CACNA2D3: variants seen among roughly 807,000 people sequenced by gnomAD.
CACNA2D3 encodes the protein voltage-dependent calcium channel subunit alpha-2/delta-3.
Under a neutral mutation model 160.6 loss-of-function variants are expected in CACNA2D3, and 60 were observed. That is an observed-to-expected ratio of 0.37 (90% confidence interval 0.30 to 0.46). CACNA2D3 has a LOEUF of 0.46. Ranked by LOEUF, CACNA2D3 falls within the 20% of genes least tolerant of loss-of-function variation. The probability of loss-of-function intolerance (pLI) is 1.00; values close to 1 mark genes in which losing one functional copy is unlikely to be tolerated. For missense variants in CACNA2D3, 1,205 were observed against 1,365.0 expected, an observed-to-expected ratio of 0.88 and a Z score of 1.85; for synonymous variants, 558 against 492.9, an observed-to-expected ratio of 1.13 and a Z score of -1.75.
intron 3 of CACNA2D3, among the ~76,000 whole-genome samples, chr3:54,379,862 G>C (rs1463918499): frequency 6.6e-6 from 1 of 152,092 alleles, no homozygotes; most frequent in Non-Finnish European, 1.5e-5. Context: ...CATTGAAATA[G>C]CTATTTTCCT....
rs115721848 is a variant in CACNA2D3, at chr3:54,322,832, C to T, written c.321+2274C>T. ...ATTAGTGAAGATAAAAAAAAAAAGA[C>T]GATTTGGTATGGTGGGTGTAGTTCC... On this transcript the variant is annotated intron_variant, in intron 3 of 37. Transcript: ENST00000474759. Among the ~76,000 whole-genome samples the T allele has an allele frequency of 5.9e-3, 893 of 151,544 alleles. 2 individuals carry two copies. Among genetic ancestry groups the T allele is most frequent in the African/African-American group, 0.021 (855 of 41,250 alleles).
chr3:54,934,800 T>C (rs1324664109), intron 27 of CACNA2D3, among the ~76,000 whole-genome samples: 3 of 152,140 alleles, frequency 2.0e-5, no homozygotes, highest in African/African-American at 7.2e-5. Context: ...GGCGCTATCG[T>C]AGCTCACTGC....
intron 35 of CACNA2D3, among the ~76,000 whole-genome samples, chr3:55,042,933 C>G (rs1318630269): frequency 6.6e-6 from 1 of 152,098 alleles, no homozygotes; most frequent in Non-Finnish European, 1.5e-5. Context: ...CAGCATAATG[C>G]ATTTGAGATT....
At chr3:54,434,739 A>G (rs1700037080) in intron 4 of CACNA2D3, among the ~76,000 whole-genome samples, 1 of 152,186 alleles carries the variant, frequency 6.6e-6, no homozygotes, top group African/African-American at 2.4e-5. Flanking sequence ...CTCAGAGTTG[A>G]GGGGATTCTT....
intron 4 of CACNA2D3, among the ~76,000 whole-genome samples, chr3:54,479,276 G>A (rs1391266522): frequency 6.6e-6 from 1 of 152,118 alleles, no homozygotes; most frequent in Non-Finnish European, 1.5e-5. Flanking sequence ...TGAACTGTGA[G>A]TCAATTAAAC....
intron 16 of CACNA2D3, among the ~76,000 whole-genome samples, chr3:54,840,881 C>G (rs896757142): frequency 3.3e-5 from 5 of 151,240 alleles, no homozygotes; most frequent in African/African-American, 1.2e-4. Context: ...CGCCACCACA[C>G]CTGGCTGATT....
At chr3:54,867,133 T>C (rs948530602) in intron 17 of CACNA2D3, among the ~76,000 whole-genome samples, 7 of 152,182 alleles carry the variant, frequency 4.6e-5, no homozygotes, top group South Asian at 2.1e-4. Context: ...TAGGCCCCGG[T>C]AACCAACTCC....
intron 27 of CACNA2D3, among the ~76,000 whole-genome samples, chr3:54,903,088 G>A (rs1370584819): frequency 1.3e-5 from 2 of 152,058 alleles, no homozygotes; most frequent in African/African-American, 4.8e-5. Context: ...AGGGGTACAC[G>A]TGCACGTTTG....
At chr3:54,546,904 A>G (rs769967481) in intron 5 of CACNA2D3, among the ~76,000 whole-genome samples, 5 of 152,332 alleles carry the variant, frequency 3.3e-5, no homozygotes, top group Non-Finnish European at 7.3e-5. Context: ...ACATTTAGTC[A>G]TCCTGGTTAT....
At chr3:54,520,856 CATATT>C (rs1399870581) in intron 5 of CACNA2D3, among the ~76,000 whole-genome samples, 10 of 152,144 alleles carry the variant, frequency 6.6e-5, no homozygotes, top group South Asian at 4.1e-4. Context: ...TAAATGTAAT[CATATT>C]ATATGTGAGC....
chr3:55,008,886 T>TACACACGCACACAC (rs1491125549), intron 33 of CACNA2D3, among the ~76,000 whole-genome samples: 13 of 53,292 alleles, frequency 2.4e-4, no homozygotes, highest in African/African-American at 8.3e-4. Flanking sequence ...CACCTCCCTC[T>TACACACGCACACAC]ATACACACAC....
At chr3:54,776,574 C>A (rs182655997) in intron 13 of CACNA2D3, among the ~76,000 whole-genome samples, 328 of 152,222 alleles carry the variant, frequency 2.2e-3, no homozygotes, top group South Asian at 6.9e-3. Flanking sequence ...AAAACAGTAA[C>A]AACAACAAAA....
chr3:55,021,295 G>T (rs1703438376), intron 35 of CACNA2D3, among the ~76,000 whole-genome samples: 2 of 151,932 alleles, frequency 1.3e-5, no homozygotes, highest in South Asian at 4.1e-4. Context: ...TGCAGGCATT[G>T]TTGATAGTGT....
chr3:54,852,719 A>G (rs1303138715), intron 17 of CACNA2D3, among the ~76,000 whole-genome samples: 1 of 152,208 alleles, frequency 6.6e-6, no homozygotes, highest in South Asian at 2.1e-4. Context: ...TGGACATGCT[A>G]ATCAGTGTAA....
chr3:55,050,842 A>C, intron 35 of CACNA2D3, among the ~76,000 whole-genome samples: 1 of 130,988 alleles, frequency 7.6e-6, no homozygotes, highest in East Asian at 2.0e-4. Flanking sequence ...TTCTCGCTTC[A>C]TTTCATTCAT....
chr3:54,430,019 T>A (rs994118061), intron 4 of CACNA2D3, among the ~76,000 whole-genome samples: 4 of 152,164 alleles, frequency 2.6e-5, no homozygotes, highest in Non-Finnish European at 5.9e-5. Flanking sequence ...CTTGACTATA[T>A]TGGAGATGGA....
intron 27 of CACNA2D3, among the ~76,000 whole-genome samples, chr3:54,919,668 C>T (rs1324342963): frequency 1.3e-5 from 2 of 152,222 alleles, no homozygotes; most frequent in African/African-American, 4.8e-5. Flanking sequence ...GAAGTCTAGT[C>T]TAGTGTGACC....
In CACNA2D3 at chr3:54,588,290, C is replaced by T. The variant is rs116318736; in HGVS notation, c.963+6413C>T. Among the ~76,000 whole-genome samples, 1,333 of 152,234 alleles carry T rather than the reference C, an allele frequency of 8.8e-3. 31 individuals are homozygous for T. Among genetic ancestry groups the T allele is most frequent in the African/African-American group, 0.03 (1,235 of 41,532 alleles). On this transcript the variant is annotated intron_variant, in intron 9 of 37. Coordinates refer to ENST00000474759, the MANE Select transcript of CACNA2D3 (RefSeq NM_018398.3). ...ATAATTTTAAAAATACAAAACTTCT[C>T]AGTGCATTGGGAATGGGAAGTAACT...
At chr3:54,426,943 C>T (rs868499305) in intron 4 of CACNA2D3, among the ~76,000 whole-genome samples, 1 of 152,082 alleles carries the variant, frequency 6.6e-6, no homozygotes. Context: ...CTGTTTCTAC[C>T]TTTGTGTCTT....
Sources: gnomAD v4.1 joint callset for allele counts (sites outside exome capture counted in the v4.1 genomes callset) on GRCh38, gnomAD v4.1.1 for gene constraint, MANE v1.5 for transcripts, NCBI Gene and HGNC (gene_info 2026-07-23, HGNC 2026-07-21) for gene names.